MAF: variants seen among roughly 807,000 people sequenced by gnomAD.
MAF encodes transcription factor Maf.
Under a neutral mutation model 22.0 loss-of-function variants are expected in MAF, and 10 were observed. The ratio of observed to expected loss-of-function variants is 0.45; its 90% confidence interval spans 0.28 to 0.77. MAF has a LOEUF of 0.77. MAF is among the 30% of genes least tolerant of loss of function. MAF has a pLI of 0.12. For missense variants in MAF, 544 were observed against 548.4 expected, an observed-to-expected ratio of 0.99 and a Z score of 0.08; for synonymous variants, 337 against 255.8, an observed-to-expected ratio of 1.32 and a Z score of -3.03.
At chr16:79,371,919 C>T in the MAF span, among the ~76,000 whole-genome samples, 15 of 152,196 alleles carry the variant, frequency 9.9e-5, no homozygotes, top group Non-Finnish European at 1.3e-4. Flanking sequence ...TCCCAAGCTT[C>T]GCTTTTTCTC....
At chr16:79,236,062 A>G in the MAF span, among the ~76,000 whole-genome samples, 1 of 152,094 alleles carries the variant, frequency 6.6e-6, no homozygotes, top group Admixed American at 6.6e-5. Flanking sequence ...TGACACTCCC[A>G]TAGTCCATGC....
At chr16:79,406,042 G>T in the MAF span, among the ~76,000 whole-genome samples, 1 of 152,172 alleles carries the variant, frequency 6.6e-6, no homozygotes, top group East Asian at 1.9e-4. Context: ...GACTGGGGTT[G>T]GTGTATAAAT....
chr16:79,215,135 G>C, the MAF span, among the ~76,000 whole-genome samples: 3 of 152,218 alleles, frequency 2.0e-5, no homozygotes, highest in African/African-American at 7.2e-5. Flanking sequence ...TAAATTGATA[G>C]AGCTGCAGTT....
At position 79,587,417 on chromosome 16, in the gene MAF, C is replaced by G. The variant is rs569688720; in HGVS notation, c.1119-1476G>C. Reference sequence around the variant, plus strand: ...TAATCTCTTTAAAAAAAAACTTCCCCGATAGGATTACTTTTTTTTTAATCT... The same window carrying G: ...TAATCTCTTTAAAAAAAAACTTCCCGGATAGGATTACTTTTTTTTTAATCT... On this transcript the variant is annotated intron_variant, in intron 1 of 1. Coordinates refer to the MAF transcript ENST00000569649. 4.0e-5 allele frequency among the ~76,000 whole-genome samples: 6 copies of G among 148,620 alleles called. No individual in the cohort carries two copies. In the South Asian group the frequency reaches 6.5e-4, roughly 16 times the overall value.
chr16:79,457,793 G>A, the MAF span, among the ~76,000 whole-genome samples: 1 of 152,060 alleles, frequency 6.6e-6, no homozygotes, highest in African/African-American at 2.4e-5. Flanking sequence ...CCCCAAGAAG[G>A]TCATGGTATC....
At chr16:79,424,623 C>T in the MAF span, among the ~76,000 whole-genome samples, 1 of 152,090 alleles carries the variant, frequency 6.6e-6, no homozygotes, top group Admixed American at 6.5e-5. Flanking sequence ...TGTCCTGGGA[C>T]CTGGGCACTG....
the MAF span, among the ~76,000 whole-genome samples, chr16:79,436,886 G>A: frequency 4.6e-5 from 7 of 152,208 alleles, no homozygotes; most frequent in South Asian, 2.1e-4. Flanking sequence ...AACACTTAGC[G>A]CAGGCAGGCT....
At chr16:79,527,562 C>A in the MAF span, among the ~76,000 whole-genome samples, 1 of 152,138 alleles carries the variant, frequency 6.6e-6, no homozygotes, top group Non-Finnish European at 1.5e-5. Context: ...ATTCCACCAC[C>A]ACCTTACAAT....
the MAF span, among the ~76,000 whole-genome samples, chr16:79,459,917 T>G: frequency 1.3e-5 from 2 of 152,326 alleles, no homozygotes; most frequent in East Asian, 3.9e-4. Flanking sequence ...AATATATCTG[T>G]GAGCACTTGG....
At chr16:79,408,078 C>CAAAA in the MAF span, among the ~76,000 whole-genome samples, 19,255 of 81,160 alleles carry the variant, frequency 0.24, 2,652 homozygotes, top group South Asian at 0.28. Flanking sequence ...TTTTACCTTT[C>CAAAA]AAAAAAAAAA....
chr16:79,472,402 G>C, the MAF span, among the ~76,000 whole-genome samples: 2 of 152,148 alleles, frequency 1.3e-5, no homozygotes, highest in Non-Finnish European at 2.9e-5. Context: ...GGATACCCAA[G>C]ATATGTTCTA....
the MAF span, among the ~76,000 whole-genome samples, chr16:79,310,668 G>C: frequency 6.6e-6 from 1 of 152,138 alleles, no homozygotes; most frequent in Admixed American, 6.5e-5. Context: ...CCCTTCTTTT[G>C]TTGGGGGCTC....
the MAF span, among the ~76,000 whole-genome samples, chr16:79,282,874 C>G: frequency 6.6e-6 from 1 of 152,114 alleles, no homozygotes; most frequent in African/African-American, 2.4e-5. Context: ...TCAGCTAAAC[C>G]CATTCATTAA....
At chr16:79,349,985 TC>T in the MAF span, among the ~76,000 whole-genome samples, 2 of 152,182 alleles carry the variant, frequency 1.3e-5, no homozygotes, top group East Asian at 3.9e-4. Flanking sequence ...TTGGCTTTCC[TC>T]CTTTAAGGCA....
At chr16:79,589,474 A>T (rs1274576511), downstream of MAF, among the ~76,000 whole-genome samples, 1 of 152,188 alleles carries the variant, frequency 6.6e-6, no homozygotes, top group Non-Finnish European at 1.5e-5. Flanking sequence ...CTCTGTCTCT[A>T]ACCGAAGCAG....
the MAF span, among the ~76,000 whole-genome samples, chr16:79,566,394 A>G: frequency 6.6e-6 from 1 of 152,192 alleles, no homozygotes; most frequent in Admixed American, 6.5e-5. Context: ...TGGGGACTGT[A>G]CTGCAAGACC....
At chr16:79,367,323 G>A in the MAF span, among the ~76,000 whole-genome samples, 1 of 152,178 alleles carries the variant, frequency 6.6e-6, no homozygotes, top group Non-Finnish European at 1.5e-5. Context: ...GACAGCTGCT[G>A]GTTGAAGTCA....
chr16:79,309,487 T>C, the MAF span, among the ~76,000 whole-genome samples: 2 of 152,218 alleles, frequency 1.3e-5, no homozygotes, highest in Admixed American at 6.5e-5. Flanking sequence ...TTGGTTTTTA[T>C]ATGTAAACGG....
At chr16:79,437,107 TG>T in the MAF span, among the ~76,000 whole-genome samples, 1 of 152,014 alleles carries the variant, frequency 6.6e-6, no homozygotes, top group Non-Finnish European at 1.5e-5. Context: ...TCTCAAGGCA[TG>T]TGTTAAAGAC....
Sources: allele counts gnomAD v4.1 joint callset (sites outside exome capture counted in the v4.1 genomes callset), GRCh38; gene constraint gnomAD v4.1.1; transcripts MANE v1.5; gene names NCBI Gene and HGNC (gene_info 2026-07-23, HGNC 2026-07-21).